Variants in BRD10 observed in about 807,000 individuals in gnomAD.
The protein encoded by BRD10 is bromodomain containing 10.
the BRD10 span, chr9:5,933,900 G>T: frequency 4.3e-6 from 2 of 463,640 alleles, no homozygotes; most frequent in South Asian, 3.1e-5. Flanking sequence ...GAAAAAAAGA[G>T]GGACATAAAT....
the BRD10 span, among the ~76,000 whole-genome samples, chr9:5,935,531 C>G: frequency 6.6e-6 from 1 of 152,242 alleles, no homozygotes; most frequent in South Asian, 2.1e-4. Flanking sequence ...AGAAATTAAC[C>G]ACTGGTTGAG....
chr9:5,991,582 G>A, the BRD10 span, among the ~76,000 whole-genome samples: 5 of 152,108 alleles, frequency 3.3e-5, no homozygotes, highest in African/African-American at 1.2e-4. Context: ...AATTAGCTGG[G>A]CCTGATGGCA....
the BRD10 span, chr9:5,907,120 T>C: frequency 7.4e-6 from 4 of 537,620 alleles, no homozygotes; most frequent in African/African-American, 4.0e-5. Flanking sequence ...CTGAACTATA[T>C]ACACCTAAAA....
the BRD10 span, chr9:5,922,077 A>G: frequency 1.9e-6 from 3 of 1,614,022 alleles, no homozygotes; most frequent in African/African-American, 2.7e-5. Context: ...GAACTTGAAG[A>G]TACAGTATTG....
At chr9:5,924,106 C>T in the BRD10 span, among the ~76,000 whole-genome samples, 1 of 152,104 alleles carries the variant, frequency 6.6e-6, no homozygotes, top group African/African-American at 2.4e-5. Context: ...AATTCTATTT[C>T]TAAAGTAAAT....
chr9:5,935,548 A>T, the BRD10 span, among the ~76,000 whole-genome samples: 1 of 152,232 alleles, frequency 6.6e-6, no homozygotes, highest in East Asian at 1.9e-4. Context: ...TGAGTATCTG[A>T]ATTTGACTGT....
At chr9:5,943,355 G>C in the BRD10 span, among the ~76,000 whole-genome samples, 1 of 151,962 alleles carries the variant, frequency 6.6e-6, no homozygotes, top group Non-Finnish European at 1.5e-5. Flanking sequence ...TTTATAATAT[G>C]GGAATAAATA....
chr9:5,984,957 G>A, the BRD10 span, among the ~76,000 whole-genome samples: 3 of 149,444 alleles, frequency 2.0e-5, no homozygotes, highest in South Asian at 2.1e-4. Flanking sequence ...ATAGACAAAC[G>A]AATTTGAAAA....
chr9:5,942,963 G>A, the BRD10 span, among the ~76,000 whole-genome samples: 5 of 151,998 alleles, frequency 3.3e-5, no homozygotes, highest in East Asian at 1.9e-4. Flanking sequence ...CTGCAGCCTC[G>A]ACCTCCTGGG....
the BRD10 span, among the ~76,000 whole-genome samples, chr9:5,951,060 AC>A: frequency 6.6e-6 from 1 of 150,944 alleles, no homozygotes; most frequent in Non-Finnish European, 1.5e-5. Flanking sequence ...ACACACACAC[AC>A]ACACACACAC....
At chr9:5,893,531 T>C in the BRD10 span, among the ~76,000 whole-genome samples, 1 of 152,176 alleles carries the variant, frequency 6.6e-6, no homozygotes, top group Non-Finnish European at 1.5e-5. Flanking sequence ...GATCCTCTAA[T>C]ATCCCTGGCC....
chr9:5,889,757 C>G, the BRD10 span, among the ~76,000 whole-genome samples: 1 of 151,912 alleles, frequency 6.6e-6, no homozygotes, highest in Non-Finnish European at 1.5e-5. Context: ...TGCACTCCAG[C>G]CTGGGCGACA....
At chr9:5,944,573 A>C in the BRD10 span, among the ~76,000 whole-genome samples, 1 of 152,082 alleles carries the variant, frequency 6.6e-6, no homozygotes, top group Non-Finnish European at 1.5e-5. Context: ...TGCAAGGCAA[A>C]CATTACCCAA....
chr9:5,896,603 C>G, the BRD10 span, among the ~76,000 whole-genome samples: 1 of 152,186 alleles, frequency 6.6e-6, no homozygotes, highest in African/African-American at 2.4e-5. Flanking sequence ...TCTGCAGAAA[C>G]TTTCTTAGCG....
chr9:5,928,899 AAG>A, the BRD10 span: 3 of 480,376 alleles, frequency 6.2e-6, no homozygotes, highest in Non-Finnish European at 1.1e-5. Context: ...AGGGCTTAGA[AAG>A]AGCCTTGCAC....
the BRD10 span, among the ~76,000 whole-genome samples, chr9:5,963,803 G>A: frequency 6.6e-6 from 1 of 152,008 alleles, no homozygotes; most frequent in Non-Finnish European, 1.5e-5. Flanking sequence ...AAGCAATGGG[G>A]AAAGGATTCC....
chr9:5,912,866 G>C, the BRD10 span, among the ~76,000 whole-genome samples: 1 of 152,174 alleles, frequency 6.6e-6, no homozygotes, highest in Non-Finnish European at 1.5e-5. Context: ...CTCATGGCTG[G>C]TCTCCTCTGG....
At chr9:5,936,659 T>A in the BRD10 span, among the ~76,000 whole-genome samples, 1 of 152,190 alleles carries the variant, frequency 6.6e-6, no homozygotes, top group African/African-American at 2.4e-5. Flanking sequence ...TTATTAATAT[T>A]CAGTCCACTG....
At chr9:5,905,857 T>C in the BRD10 span, among the ~76,000 whole-genome samples, 1 of 152,224 alleles carries the variant, frequency 6.6e-6, no homozygotes, top group African/African-American at 2.4e-5. Context: ...CTCTTGAGAC[T>C]ATTCTCCCGG....
Sources: allele counts gnomAD v4.1 joint callset (sites outside exome capture counted in the v4.1 genomes callset), GRCh38; gene constraint gnomAD v4.1.1; transcripts MANE v1.5; gene names NCBI Gene and HGNC (gene_info 2026-07-23, HGNC 2026-07-21).